The following EGFL7 variants were observed in gnomAD, a reference collection of about 807,000 sequenced individuals.
The protein encoded by EGFL7 is epidermal growth factor-like protein 7.
Under a neutral mutation model 37.1 loss-of-function variants are expected in EGFL7, and 48 were observed. The observed-to-expected ratio is 1.29, with a 90% CI of 1.03 to 1.65. The LOEUF (loss-of-function observed/expected upper bound fraction) is 1.65. EGFL7 is among the 40% of genes most tolerant of loss of function. The probability of loss-of-function intolerance (pLI) is 0.00; values close to 1 mark genes in which losing one functional copy is unlikely to be tolerated. For synonymous variants in EGFL7, 180 were observed against 156.8 expected (o/e 1.15, Z -1.10); for missense variants, 384 against 378.9 (o/e 1.01, Z -0.11).
At chr9:136,659,999 T>A (rs139649382), upstream of EGFL7, among the ~76,000 whole-genome samples, 1 of 152,268 alleles carries the variant, frequency 6.6e-6, no homozygotes, top group Non-Finnish European at 1.5e-5. Flanking sequence ...CAGGAGGCAC[T>A]GCTGACTCCC....
chr9:136,665,836 G>C (rs1845432691), intron 3 of EGFL7: 2 of 146,234 alleles, frequency 1.4e-5, no homozygotes, highest in East Asian at 3.9e-4. Context: ...GGAGCGAGCG[G>C]GGCGCGCCGG....
intron 9 of EGFL7, among the ~76,000 whole-genome samples, chr9:136,671,497 G>T (rs1182495277): frequency 6.6e-6 from 1 of 152,020 alleles, no homozygotes; most frequent in Middle Eastern, 3.2e-3. Flanking sequence ...CCCTGGCCTG[G>T]ATCCATGCTG....
intron 3 of EGFL7, 52 bp from the exon 4 acceptor site, chr9:136,668,189 G>A (rs1290571863): frequency 1.5e-5 from 17 of 1,114,474 alleles, no homozygotes; most frequent in Middle Eastern, 2.1e-4. Flanking sequence ...AACTGCACCC[G>A]CGTCCTGGGG....
At chr9:136,671,854 G>A in intron 9 of EGFL7, 72 bp from the exon 10 acceptor site, 3 of 1,427,650 alleles carry the variant, frequency 2.1e-6, no homozygotes, top group Non-Finnish European at 2.7e-6. Flanking sequence ...CTTCCCAGGG[G>A]TCCTCCCTAG....
chr9:136,670,570 C>G (rs371727482), intron 8 of EGFL7: 5 of 784,826 alleles, frequency 6.4e-6, no homozygotes, highest in South Asian at 5.4e-5. Flanking sequence ...CTGTCTGCAT[C>G]CAGCGCAGCA....
At chr9:136,668,017 CCTGTGCCCCCAGG>C (rs1030861233) in intron 3 of EGFL7, among the ~76,000 whole-genome samples, 1 of 152,202 alleles carries the variant, frequency 6.6e-6, no homozygotes, top group African/African-American at 2.4e-5. Context: ...CGTCACCCCC[CCTGTGCCCCCAGG>C]CTGTGGCCCC....
intron 6 of EGFL7, 33 bp from the exon 7 acceptor site, chr9:136,669,881 A>G (rs967465455): frequency 1.9e-6 from 3 of 1,548,876 alleles, no homozygotes; most frequent in African/African-American, 2.7e-5. Context: ...TGGGGACCCA[A>G]CTGAGCTGGT....
chr9:136,672,335 C>T lies in EGFL7; in HGVS notation c.*49C>T. The T allele has an allele frequency of 6.2e-7, 1 of 1,611,924 alleles. No homozygotes were observed. The highest frequency in any genetic ancestry group is 8.5e-7 in the Non-Finnish European group (1 of 1,179,128). ...TGAGCCCCTCACGCCGCCCTGCAGC[C>T]CCCATGCCCCTGCCCAACATGCTGG... On this transcript the variant is annotated 3_prime_UTR_variant, in exon 11 of 11. Transcript: ENST00000308874.
chr9:136,672,299 C>G lies in EGFL7; in HGVS notation c.*13C>G. On this transcript the variant is annotated 3_prime_UTR_variant, in exon 11 of 11. Coordinates refer to ENST00000308874, the MANE Select transcript of EGFL7 (RefSeq NM_016215.5). ...GAAAGACTCGTGACTGCCCAGCGCC[C>G]CAGGCTGGACTGAGCCCCTCACGCC... 6.2e-7 allele frequency: 1 copy of G among 1,613,202 alleles called. No homozygotes were observed. Among genetic ancestry groups the G allele is most frequent in the Non-Finnish European group, 8.5e-7 (1 of 1,179,914 alleles).
Position 136,666,026 on chromosome 9 carries a change from A to G in EGFL7, c.-43+1241A>G, listed in dbSNP as rs1023338592. ...GGCTGGGTCGGGCCGGGCCGGGAGAATGGGCCCAGCGGCCCCGGGAACCGG... is the reference window on the plus strand; with the variant it reads ...GGCTGGGTCGGGCCGGGCCGGGAGAGTGGGCCCAGCGGCCCCGGGAACCGG... On this transcript the variant is annotated intron_variant, in intron 3 of 10. Coordinates refer to ENST00000308874, the MANE Select transcript of EGFL7 (RefSeq NM_016215.5). The surrounding 1 kb of genome is among the most constrained non-coding windows in gnomAD (Gnocchi z 6.8). 7.0e-6 allele frequency among the ~76,000 whole-genome samples: 1 copy of G among 143,294 alleles called. No individual in the cohort carries two copies. Among genetic ancestry groups the G allele is most frequent in the Non-Finnish European group, 1.5e-5 (1 of 65,124 alleles). The allele number at this position is 143,294 out of a possible 152,430, so 94.0% of individuals were successfully genotyped here. A position where few individuals can be genotyped will look rare whatever the true frequency, so the allele number is the denominator to read the frequency against.
Position 136,671,016 on chromosome 9 carries a change from T to A in EGFL7, c.636+2T>A. ...TCCAGGGTGGACCTGCTGGAGGAGG[T>A]GAGGCATTGGTGGGGGGGGGGGGGG... On this transcript the variant is annotated splice_donor_variant, in intron 9 of 10. Coordinates refer to ENST00000308874, the MANE Select transcript of EGFL7 (RefSeq NM_016215.5). LOFTEE classifies it high-confidence loss of function. 4.7e-6 allele frequency: 2 copies of A among 428,544 alleles called. No homozygotes were observed. The highest frequency in any genetic ancestry group is 6.9e-6 in the Non-Finnish European group (2 of 290,216). 26.5% of individuals were successfully genotyped at this position (428,544 alleles called of 1,614,324 possible).
chr9:136,664,206 G>A (rs1005986837), intron 2 of EGFL7, among the ~76,000 whole-genome samples: 2 of 152,222 alleles, frequency 1.3e-5, no homozygotes, highest in African/African-American at 2.4e-5. Flanking sequence ...CTTGGACCAC[G>A]TGCCAGGGGC....
chr9:136,661,466 C>T (rs971421376), upstream of EGFL7, among the ~76,000 whole-genome samples: 1 of 152,148 alleles, frequency 6.6e-6, no homozygotes, highest in African/African-American at 2.4e-5. Context: ...CCTATCTGCT[C>T]CAACCTCAGG....
At chr9:136,665,630 CAG>C (rs1336500763) in intron 3 of EGFL7, among the ~76,000 whole-genome samples, 1 of 151,680 alleles carries the variant, frequency 6.6e-6, no homozygotes, top group Non-Finnish European at 1.5e-5. Flanking sequence ...CGGGTTCCAG[CAG>C]AGTCACTGCC....
rs1425416720 is a variant in EGFL7 at position 136,672,048 on chromosome 9, G to A, written c.759G>A (p.Leu253=). 6.5e-7 allele frequency: 1 copy of A among 1,546,014 alleles called. No individual in the cohort carries two copies. The highest frequency in any genetic ancestry group is 8.7e-7 in the Non-Finnish European group (1 of 1,147,014). The part of the protein sequence containing the change: ...SFQQLGRIDS[L]SEQISFLEEQ... ...AGCAGCTCGGCCGCATCGACTCCCT[G>A]AGCGAGCAGATTTCCTTCCTGGAGG... is the stretch of plus-strand genomic sequence containing the variant. Residue 253 remains leucine (L), a synonymous_variant, in exon 10 of 11, where the codon CTG becomes CTA. Transcript: ENST00000308874.
At position 136,670,237 on chromosome 9, in the gene EGFL7, T is replaced by A. The variant is rs2119139630; in HGVS notation, c.478T>A (p.Trp160Arg). ...CTGCGTCAACACCGCCGGCAGTTAC[T>A]GGTGCCAGTGTTGGGAGGGGCACAG... ...QRCVNTAGSY[W>R]CQCWEGHSLS... The change falls in exon 8 of 11, where the codon TGG becomes AGG. Residue 160 changes from tryptophan to arginine, a missense_variant. Trp to Arg is a moderately radical substitution (Grantham distance 101). Transcript: ENST00000308874. 6.2e-7 allele frequency: 1 copy of A among 1,612,586 alleles called. No individual in the cohort carries two copies. Among genetic ancestry groups the A allele is most frequent in the Middle Eastern group, 1.7e-4 (1 of 6,054 alleles).
intron 7 of EGFL7, 23 bp from the exon 8 acceptor site, chr9:136,670,146 G>A (rs373294705): frequency 1.6e-5 from 26 of 1,612,450 alleles, no homozygotes; most frequent in African/African-American, 5.3e-5. Context: ...AGGCATGGCC[G>A]CCTGACACCC....
intron 3 of EGFL7, among the ~76,000 whole-genome samples, chr9:136,667,151 A>C (rs999888628): frequency 6.6e-6 from 1 of 152,164 alleles, no homozygotes; most frequent in African/African-American, 2.4e-5. Flanking sequence ...GGACAGTGTG[A>C]CTATTTATAG....
intron 8 of EGFL7, chr9:136,670,534 A>C: frequency 3.7e-6 from 3 of 812,156 alleles, no homozygotes; most frequent in Non-Finnish European, 6.6e-6. Flanking sequence ...TCAGCCAAGA[A>C]GGCAGAAGTG....
Sources: gnomAD v4.1 joint callset for allele counts (sites outside exome capture counted in the v4.1 genomes callset) on GRCh38, gnomAD v4.1.1 for gene constraint, Gnocchi (gnomAD v3.1) non-coding constraint, MANE v1.5 for transcripts, NCBI Gene and HGNC (gene_info 2026-07-23, HGNC 2026-07-21) for gene names.